Variants in C1QTNF3 observed in about 807,000 individuals in gnomAD.
C1QTNF3 encodes C1q and TNF related 3, also known as complement C1q tumor necrosis factor-related protein 3.
Under a neutral mutation model 32.6 loss-of-function variants are expected in C1QTNF3, and 26 were observed. The observed-to-expected ratio is 0.80, with a 90% CI of 0.58 to 1.11. The LOEUF (loss-of-function observed/expected upper bound fraction) is 1.11. Ranked by LOEUF, C1QTNF3 falls within the 50% of genes least tolerant of loss-of-function variation. The probability of loss-of-function intolerance (pLI) is 0.00; values close to 1 mark genes in which losing one functional copy is unlikely to be tolerated. For synonymous variants in C1QTNF3, 155 were observed against 146.0 expected, an observed-to-expected ratio of 1.06 and a Z score of -0.44; for missense variants, 362 against 398.2, an observed-to-expected ratio of 0.91 and a Z score of 0.77.
chr5:34,065,659 C>A, the C1QTNF3 span, among the ~76,000 whole-genome samples: 2 of 127,714 alleles, frequency 1.6e-5, no homozygotes, highest in South Asian at 2.7e-4. Flanking sequence ...AAGAGGGAAA[C>A]TCCATCTCAA....
the C1QTNF3 span, among the ~76,000 whole-genome samples, chr5:34,063,404 A>G: frequency 6.7e-6 from 1 of 148,882 alleles, no homozygotes; most frequent in East Asian, 2.0e-4. Flanking sequence ...GACTTACTCA[A>G]TTTGCTTTCA....
the C1QTNF3 span, among the ~76,000 whole-genome samples, chr5:34,103,831 A>G: frequency 3.7e-4 from 56 of 151,966 alleles, no homozygotes; most frequent in African/African-American, 1.4e-3. Context: ...TCTAAAAAAA[A>G]AAAAGGTAGT....
At chr5:34,171,050 C>A in the C1QTNF3 span, among the ~76,000 whole-genome samples, 1 of 152,028 alleles carries the variant, frequency 6.6e-6, no homozygotes, top group African/African-American at 2.4e-5. Flanking sequence ...GTTCCAGGCA[C>A]ACACTGCTGT....
chr5:34,025,170 C>A (rs1170045448), intron 4 of C1QTNF3, among the ~76,000 whole-genome samples: 1 of 152,068 alleles, frequency 6.6e-6, no homozygotes. Flanking sequence ...GAGATTGGCC[C>A]ACAGAGGAAA....
chr5:34,188,110 C>T, the C1QTNF3 span, among the ~76,000 whole-genome samples: 2 of 152,320 alleles, frequency 1.3e-5, no homozygotes, highest in Middle Eastern at 3.4e-3. Flanking sequence ...AAGTTCCAAG[C>T]CTTTCAGGTT....
intron 1 of C1QTNF3, among the ~76,000 whole-genome samples, chr5:34,041,999 T>G: frequency 6.7e-6 from 1 of 149,066 alleles, no homozygotes; most frequent in Non-Finnish European, 1.5e-5. Context: ...TCTGACAGTT[T>G]TCAGCATACT....
the C1QTNF3 span, among the ~76,000 whole-genome samples, chr5:34,078,214 T>A: frequency 2.0e-5 from 3 of 151,664 alleles, no homozygotes; most frequent in Admixed American, 2.0e-4. The surrounding 1 kb of genome is among the most constrained non-coding windows in gnomAD (Gnocchi z 4.0). Context: ...TGCTATAACA[T>A]GAATTTTGTT....
At chr5:34,196,339 T>C in the C1QTNF3 span, among the ~76,000 whole-genome samples, 1 of 152,306 alleles carries the variant, frequency 6.6e-6, no homozygotes, top group Non-Finnish European at 1.5e-5. Context: ...GGTTTTGCCA[T>C]GCTGCCCAGG....
chr5:34,174,787 T>C, the C1QTNF3 span, among the ~76,000 whole-genome samples: 1 of 152,132 alleles, frequency 6.6e-6, no homozygotes, highest in Non-Finnish European at 1.5e-5. Flanking sequence ...TCGCCCAGGC[T>C]GGAGTGCGGT....
the C1QTNF3 span, among the ~76,000 whole-genome samples, chr5:34,227,521 G>A: frequency 6.6e-6 from 1 of 150,846 alleles, no homozygotes; most frequent in South Asian, 2.1e-4. Context: ...GTGTAGATGG[G>A]TCACCTGTTA....
upstream of C1QTNF3, among the ~76,000 whole-genome samples, chr5:34,045,779 A>G (rs1287560767): frequency 4.6e-5 from 7 of 152,014 alleles, no homozygotes. Flanking sequence ...CAAGAAATCA[A>G]TAATGGGTCA....
At chr5:34,091,620 T>C in the C1QTNF3 span, among the ~76,000 whole-genome samples, 2 of 152,260 alleles carry the variant, frequency 1.3e-5, no homozygotes, top group Non-Finnish European at 2.9e-5. Context: ...GGCAACTTAG[T>C]CTTCATTTCT....
chr5:34,205,355 G>C, the C1QTNF3 span, among the ~76,000 whole-genome samples: 1 of 152,142 alleles, frequency 6.6e-6, no homozygotes, highest in South Asian at 2.1e-4. Flanking sequence ...TTTACATTTT[G>C]TCCCCTCTCA....
chr5:34,103,287 T>C, the C1QTNF3 span, among the ~76,000 whole-genome samples: 1 of 152,134 alleles, frequency 6.6e-6, no homozygotes, highest in African/African-American at 2.4e-5. Context: ...TGTGTGTTTT[T>C]TTTTATTTTT....
At chr5:34,195,810 A>C in the C1QTNF3 span, among the ~76,000 whole-genome samples, 1 of 151,000 alleles carries the variant, frequency 6.6e-6, no homozygotes, top group Non-Finnish European at 1.5e-5. Context: ...ACTGCACTCC[A>C]GCCTGGGTGA....
the C1QTNF3 span, among the ~76,000 whole-genome samples, chr5:34,137,278 A>C: frequency 6.6e-6 from 1 of 152,046 alleles, no homozygotes; most frequent in African/African-American, 2.4e-5. Context: ...AATCTATCAA[A>C]ATTTTCTGGT....
the C1QTNF3 span, among the ~76,000 whole-genome samples, chr5:34,126,972 T>G: frequency 1.1e-4 from 16 of 152,336 alleles, no homozygotes; most frequent in African/African-American, 3.6e-4. Flanking sequence ...TCTGATTATT[T>G]GAATGTGTGT....
the C1QTNF3 span, among the ~76,000 whole-genome samples, chr5:34,126,202 C>T: frequency 0.013 from 2,013 of 152,092 alleles, 24 homozygotes; most frequent in South Asian, 0.031. Flanking sequence ...ATAAATTATC[C>T]ACATGAAGTC....
chr5:34,171,320 A>G, the C1QTNF3 span, among the ~76,000 whole-genome samples: 1 of 151,582 alleles, frequency 6.6e-6, no homozygotes, highest in Non-Finnish European at 1.5e-5. Flanking sequence ...TAAGTTATTA[A>G]TCAAAAATTA....
Sources: gnomAD v4.1 joint callset for allele counts (sites outside exome capture counted in the v4.1 genomes callset) on GRCh38, gnomAD v4.1.1 for gene constraint, Gnocchi (gnomAD v3.1) non-coding constraint, MANE v1.5 for transcripts, NCBI Gene and HGNC (gene_info 2026-07-23, HGNC 2026-07-21) for gene names.